The following SLC38A1 variants were observed in gnomAD, a reference collection of about 807,000 sequenced individuals.
SLC38A1 encodes sodium-coupled neutral amino acid symporter 1.
SLC38A1 carries 18 observed loss-of-function variants against 60.3 expected under a neutral mutation model. The ratio of observed to expected loss-of-function variants is 0.30; its 90% confidence interval spans 0.21 to 0.44. The LOEUF (loss-of-function observed/expected upper bound fraction) is 0.44. Among genes scored for constraint, SLC38A1 ranks in the 20% least tolerant of loss-of-function variants. The probability of loss-of-function intolerance (pLI) is 1.00; values close to 1 mark genes in which losing one functional copy is unlikely to be tolerated. For synonymous variants in SLC38A1, 196 were observed against 212.1 expected, an observed-to-expected ratio of 0.92 and a Z score of 0.66; for missense variants, 448 against 587.2, an observed-to-expected ratio of 0.76 and a Z score of 2.45.
intron 5 of SLC38A1, among the ~76,000 whole-genome samples, chr12:46,224,037 CA>C (rs1940768205): frequency 6.6e-6 from 1 of 152,078 alleles, no homozygotes; most frequent in Admixed American, 6.5e-5. Flanking sequence ...TCTTCCATGT[CA>C]ATATTGATTT....
chr12:46,258,638 G>T (rs1043455820), intron 1 of SLC38A1, among the ~76,000 whole-genome samples: 1 of 152,050 alleles, frequency 6.6e-6, no homozygotes, highest in African/African-American at 2.4e-5. Context: ...GTGGGTTTTG[G>T]ACTTTTTAAA....
chr12:46,235,878 A>C (rs1367816823), intron 3 of SLC38A1, among the ~76,000 whole-genome samples: 1 of 152,230 alleles, frequency 6.6e-6, no homozygotes, highest in Admixed American at 6.5e-5. Context: ...GCAGATAAAT[A>C]TTAAAATACA....
At chr12:46,209,211 T>G in intron 5 of SLC38A1, 84 bp from the exon 6 acceptor site, 1 of 948,414 alleles carries the variant, frequency 1.1e-6, no homozygotes, top group Non-Finnish European at 1.6e-6. Flanking sequence ...AAAGGTTTAT[T>G]TGTATGGTTA....
chr12:46,191,663 G>A (rs542917272), intron 16 of SLC38A1, among the ~76,000 whole-genome samples: 8 of 152,134 alleles, frequency 5.3e-5, no homozygotes, highest in East Asian at 1.9e-4. Flanking sequence ...CTTGTAAGTC[G>A]GCTTCCTAGG....
rs189185902 is a variant in SLC38A1, at chr12:46,233,810, C to T, written c.123-4171G>A. Among the ~76,000 whole-genome samples the T allele has an allele frequency of 1.4e-3, 209 of 152,300 alleles. 2 individuals carry two copies. The highest frequency in any genetic ancestry group is 4.6e-3 in the African/African-American group (192 of 41,562). On this transcript the variant is annotated intron_variant, in intron 3 of 16. Coordinates refer to ENST00000398637, the MANE Select transcript of SLC38A1 (RefSeq NM_030674.4). ...TTTCAGTCTACTTTCTGCAACAAGA[C>T]TTAATAGGTTTTCCCAAAAATCTTC...
intron 5 of SLC38A1, among the ~76,000 whole-genome samples, chr12:46,221,116 C>G (rs1940640722): frequency 6.6e-6 from 1 of 152,092 alleles, no homozygotes; most frequent in Admixed American, 6.5e-5. Flanking sequence ...TGTTTGTAAA[C>G]ATGGATCATA....
intron 1 of SLC38A1, among the ~76,000 whole-genome samples, chr12:46,244,944 T>A (rs1170449271): frequency 6.6e-6 from 1 of 152,240 alleles, no homozygotes; most frequent in East Asian, 1.9e-4. Flanking sequence ...AATGGTATAA[T>A]GAACTCCCAT....
intron 5 of SLC38A1, among the ~76,000 whole-genome samples, chr12:46,215,633 C>T (rs1940374150): frequency 6.6e-6 from 1 of 152,106 alleles, no homozygotes; most frequent in African/African-American, 2.4e-5. Flanking sequence ...ATCTCAAACT[C>T]CTGACCTCAG....
At chr12:46,214,984 T>C (rs1940341371) in intron 5 of SLC38A1, among the ~76,000 whole-genome samples, 1 of 152,220 alleles carries the variant, frequency 6.6e-6, no homozygotes, top group African/African-American at 2.4e-5. Context: ...CTTGCAAAGT[T>C]GAAAGCAGCT....
intron 3 of SLC38A1, among the ~76,000 whole-genome samples, chr12:46,232,363 TAA>T (rs1941110090): frequency 6.6e-6 from 1 of 152,172 alleles, no homozygotes; most frequent in South Asian, 2.1e-4. Context: ...CAGAGGAAAC[TAA>T]AAGACAAAAG....
Position 46,187,132 on chromosome 12 carries a change from A to G in SLC38A1, c.*1838T>C, listed in dbSNP as rs948083265. ...TTATATTAAAAGCTATGATGATGCA[A>G]TGCAGGAAATAACCTTTCATTCTCC... On this transcript the variant is annotated 3_prime_UTR_variant, in exon 17 of 17. Coordinates refer to ENST00000398637, the MANE Select transcript of SLC38A1 (RefSeq NM_030674.4). 1 of 152,212 alleles carries G rather than the reference A, an allele frequency of 6.6e-6. No individual in the cohort carries two copies. Among genetic ancestry groups the G allele is most frequent in the South Asian group, 2.1e-4 (1 of 4,834 alleles). The allele number at this position is 152,212 out of a possible 1,614,324, so 9.4% of individuals were successfully genotyped here.
chr12:46,256,634 CACAGAGAG>C (rs1249750436), intron 1 of SLC38A1, among the ~76,000 whole-genome samples: 15 of 50,900 alleles, frequency 2.9e-4, no homozygotes, highest in Admixed American at 1.9e-3. Context: ...CACACACACA[CACAGAGAG>C]AGAGAGAGAG....
chr12:46,197,873 C>G (rs749942505), intron 15 of SLC38A1, 46 bp downstream of exon 15: 12 of 1,604,948 alleles, frequency 7.5e-6, no homozygotes, highest in South Asian at 1.1e-5. Context: ...AATTTCCCTG[C>G]AAACAGCTAC....
Position 46,184,805 on chromosome 12 carries a change from G to C in SLC38A1, c.*4165C>G, listed in dbSNP as rs184904318. 2 of 151,976 alleles carry C rather than the reference G, an allele frequency of 1.3e-5. No individual in the cohort carries two copies. Among genetic ancestry groups the C allele is most frequent in the East Asian group, 3.9e-4 (2 of 5,190 alleles). The allele number at this position is 151,976 out of a possible 1,614,324, so 9.4% of individuals were successfully genotyped here. On this transcript the variant is annotated 3_prime_UTR_variant, in exon 17 of 17. Coordinates refer to ENST00000398637, the MANE Select transcript of SLC38A1 (RefSeq NM_030674.4). ...TTTTAATTTCTTTCACAACTGCCTC[G>C]CCCCAACCAAAGCCTCACTTTCATT...
At chr12:46,226,535 G>T (rs1940868989) in intron 5 of SLC38A1, among the ~76,000 whole-genome samples, 1 of 150,938 alleles carries the variant, frequency 6.6e-6, no homozygotes, top group Non-Finnish European at 1.5e-5. Context: ...GACTAGTCTA[G>T]AAGGTCCAAA....
chr12:46,207,661 G>C (rs1321548401), intron 6 of SLC38A1, 40 bp from the exon 7 acceptor site: 2 of 1,558,300 alleles, frequency 1.3e-6, no homozygotes, highest in Admixed American at 1.7e-5. Flanking sequence ...GAAATGACAG[G>C]GTTCAGAAAG....
chr12:46,256,725 T>C (rs541705700), intron 1 of SLC38A1, among the ~76,000 whole-genome samples: 1 of 151,960 alleles, frequency 6.6e-6, no homozygotes, highest in African/African-American at 2.4e-5. Context: ...CTGGGTTCCC[T>C]CTCCCTGAGA....
rs1331201400 is a variant in SLC38A1 at position 46,207,210 on chromosome 12, T to G, written c.508A>C (p.Lys170Gln). The G allele has an allele frequency of 6.2e-7, 1 of 1,613,256 alleles. No individual in the cohort carries two copies. Among genetic ancestry groups the G allele is most frequent in the Non-Finnish European group, 8.5e-7 (1 of 1,179,632 alleles). Residue 170 changes from lysine to glutamine, a missense_variant, in exon 8 of 17, where the codon AAA (lysine) becomes CAA (glutamine). Coordinates refer to ENST00000398637, the MANE Select transcript of SLC38A1 (RefSeq NM_030674.4). ...GAMLSYLFIV[K>Q]NELPSAIKFL... ...TTTATGGCAGAGGGTAGTTCATTTTTTACGATGAAGAGGTAGCTCAGCATT... is the reference window on the plus strand; with the variant it reads ...TTTATGGCAGAGGGTAGTTCATTTTGTACGATGAAGAGGTAGCTCAGCATT...
intron 1 of SLC38A1, among the ~76,000 whole-genome samples, chr12:46,263,191 G>T (rs996381775): frequency 6.6e-6 from 1 of 152,124 alleles, no homozygotes; most frequent in Non-Finnish European, 1.5e-5. Flanking sequence ...TATTTTAAAC[G>T]CTCTCCAGAG....
Sources: gnomAD v4.1 joint callset for allele counts (sites outside exome capture counted in the v4.1 genomes callset) on GRCh38, gnomAD v4.1.1 for gene constraint, MANE v1.5 for transcripts, NCBI Gene and HGNC (gene_info 2026-07-23, HGNC 2026-07-21) for gene names.